CDH4: variants seen among roughly 807,000 people sequenced by gnomAD.
The protein encoded by CDH4 is cadherin-4.
A neutral mutation model predicts 86.0 loss-of-function variants in CDH4; 33 were observed. The ratio of observed to expected loss-of-function variants is 0.38; its 90% CI spans 0.29 to 0.51. The LOEUF (loss-of-function observed/expected upper bound fraction) is 0.51. Ranked by LOEUF, CDH4 falls within the 20% of genes least tolerant of loss-of-function variation. The pLI is 0.86. For missense variants in CDH4, 1,114 were observed against 1,307.4 expected, an observed-to-expected ratio of 0.85 and a Z score of 2.28; for synonymous variants, 555 against 549.4, an observed-to-expected ratio of 1.01 and a Z score of -0.14.
In CDH4 at chr20:61,565,070, G is replaced by A. The variant is rs541689224; in HGVS notation, c.170-178493G>A. On this transcript the variant is annotated intron_variant, in intron 2 of 15. Transcript: ENST00000614565. ...TGCCACTGGTGGTGCTCTTGGTGGT[G>A]GTGGTGGTGGTGGTGGTGCTCTTGG... Among the ~76,000 whole-genome samples the A allele has an allele frequency of 9.6e-3, 1,200 of 124,646 alleles. 24 individuals are homozygous for A. The highest frequency in any genetic ancestry group is 0.036 in the African/African-American group (1,126 of 30,978). 81.8% of individuals were successfully genotyped at this position (124,646 alleles called of 152,430 possible). A position where few individuals can be genotyped will look rare whatever the true frequency, so the allele number is the denominator to read the frequency against.
intron 2 of CDH4, among the ~76,000 whole-genome samples, chr20:61,537,633 G>A (rs2086007220): frequency 6.6e-6 from 1 of 152,182 alleles, no homozygotes; most frequent in Admixed American, 6.5e-5. Flanking sequence ...AGCGGGCTTC[G>A]CGGACAGGCA....
At chr20:61,580,249 G>A (rs1037507093) in intron 2 of CDH4, among the ~76,000 whole-genome samples, 4 of 152,164 alleles carry the variant, frequency 2.6e-5, no homozygotes, top group African/African-American at 9.7e-5. Flanking sequence ...GAGGTCATGA[G>A]TTCGAGACCA....
rs1426048742 is a variant in CDH4 at position 61,578,041 on chromosome 20, A to G, written c.170-165522A>G. Among the ~76,000 whole-genome samples, 5 of 151,906 alleles carry G rather than the reference A, an allele frequency of 3.3e-5. No individual in the cohort carries two copies. The South Asian group carries it at 6.3e-4, about 19-fold the overall frequency. ...CCAAGCTTGCCTGCCCAGCCAGGAA[A>G]CCTCTGCCCCTCCTTGGCAAATCTC... On this transcript the variant is annotated intron_variant, in intron 2 of 15. Coordinates refer to ENST00000614565, the MANE Select transcript of CDH4 (RefSeq NM_001794.5).
intron 2 of CDH4, among the ~76,000 whole-genome samples, chr20:61,403,695 T>C (rs1010686117): frequency 3.3e-5 from 5 of 152,194 alleles, no homozygotes; most frequent in African/African-American, 1.2e-4. Flanking sequence ...TCACCTCTTG[T>C]GTTCTTGGGT....
intron 2 of CDH4, among the ~76,000 whole-genome samples, chr20:61,356,059 G>T (rs1314291600): frequency 6.6e-6 from 1 of 152,196 alleles, no homozygotes; most frequent in Admixed American, 6.5e-5. Context: ...TCAGCAAATT[G>T]TCTTTCTTCA....
In CDH4 at chr20:61,517,717, G is replaced by A. The variant is rs754478822; in HGVS notation, c.170-225846G>A. On this transcript the variant is annotated intron_variant, in intron 2 of 15. Transcript: ENST00000614565. This position sits in a 1 kb window ranked among gnomAD's most constrained non-coding sequence, Gnocchi z 6.6. The stretch of plus-strand genomic sequence containing the variant: ...GGGTTGTCGGACGTGTTCAGGACAG[G>A]AACAGCACACTCAAGGTCACCATTC... 3.9e-5 allele frequency among the ~76,000 whole-genome samples: 6 copies of A among 152,148 alleles called. No individual in the cohort carries two copies. The highest frequency in any genetic ancestry group is 8.8e-5 in the Non-Finnish European group (6 of 68,024).
chr20:61,259,019 A>G (rs1041909259), intron 2 of CDH4, among the ~76,000 whole-genome samples: 1 of 152,182 alleles, frequency 6.6e-6, no homozygotes, highest in East Asian at 1.9e-4. Flanking sequence ...AATCCATCAC[A>G]TGGTAGGTGT....
At position 61,516,217 on chromosome 20, in the gene CDH4, C is replaced by T. The variant is rs1016173853; in HGVS notation, c.170-227346C>T. 7.9e-5 allele frequency among the ~76,000 whole-genome samples: 12 copies of T among 152,156 alleles called. No individual in the cohort carries two copies. Among genetic ancestry groups the T allele is most frequent in the South Asian group, 2.1e-4 (1 of 4,826 alleles). On this transcript the variant is annotated intron_variant, in intron 2 of 15. Transcript: ENST00000614565. The surrounding 1 kb of genome is among the most constrained non-coding windows in gnomAD (Gnocchi z 4.0). ...TACCCTAGAAGCTGCGGCAGGTGTC[C>T]GCCCTGGGGACTAAGCAAAACAGGG... is the stretch of plus-strand genomic sequence containing the variant.
chr20:61,844,992 G>T (rs1454911280), intron 5 of CDH4, among the ~76,000 whole-genome samples, 169 bp downstream of exon 5: 1 of 152,262 alleles, frequency 6.6e-6, no homozygotes, highest in Admixed American at 6.5e-5. Flanking sequence ...CCAGGTCGCT[G>T]GGCACTGTCC....
intron 7 of CDH4, among the ~76,000 whole-genome samples, chr20:61,875,852 C>T (rs1232350904): frequency 6.6e-6 from 1 of 152,196 alleles, no homozygotes; most frequent in Non-Finnish European, 1.5e-5. Context: ...TGTACAGGAA[C>T]CAGATACCGT....
At chr20:61,535,783 C>T (rs909871465) in intron 2 of CDH4, among the ~76,000 whole-genome samples, 2 of 152,184 alleles carry the variant, frequency 1.3e-5, no homozygotes, top group African/African-American at 4.8e-5. Flanking sequence ...TGTACTCGCC[C>T]CTGAGCCGCC....
At position 61,681,927 on chromosome 20, in the gene CDH4, G is replaced by A. The variant is rs141073807; in HGVS notation, c.170-61636G>A. 8.5e-5 allele frequency among the ~76,000 whole-genome samples: 13 copies of A among 152,360 alleles called. No individual in the cohort carries two copies. In the East Asian group the frequency reaches 1.7e-3, roughly 20 times the overall value. ...AGGCCAGGGCTGTGAACTTGCAGGA[G>A]CTGCCTGTGACCCCAGGGCAATCTG... On this transcript the variant is annotated intron_variant, in intron 2 of 15. Transcript: ENST00000614565. This position sits in a 1 kb window ranked among gnomAD's most constrained non-coding sequence, Gnocchi z 4.5.
intron 2 of CDH4, among the ~76,000 whole-genome samples, chr20:61,685,149 A>C (rs2087560325): frequency 6.6e-6 from 1 of 152,184 alleles, no homozygotes; most frequent in South Asian, 2.1e-4. Context: ...AGATGTGTCT[A>C]GTCTGGGTAT....
At chr20:61,365,743 C>T (rs555341703) in intron 2 of CDH4, among the ~76,000 whole-genome samples, 105 of 152,204 alleles carry the variant, frequency 6.9e-4, no homozygotes, top group African/African-American at 2.4e-3. Context: ...TGCAATGGGG[C>T]GTGCCTGCAT....
At chr20:61,908,918 G>C (rs901247398) in intron 8 of CDH4, among the ~76,000 whole-genome samples, 2 of 152,190 alleles carry the variant, frequency 1.3e-5, no homozygotes, top group African/African-American at 4.8e-5. Flanking sequence ...GTTTCTGTTT[G>C]CTGCACCTGA....
intron 2 of CDH4, among the ~76,000 whole-genome samples, chr20:61,602,339 C>T (rs182531892): frequency 9.9e-5 from 15 of 152,282 alleles, no homozygotes; most frequent in African/African-American, 3.6e-4. Context: ...TGACCTTAAA[C>T]TTCCAGAAGG....
chr20:61,544,005 C>T lies in CDH4; in HGVS notation c.170-199558C>T, dbSNP rs2255222. Reference sequence around the variant, plus strand: ...AGGGTGTGGTGGTACAGCTTTCTCTCGTCACAGCTGAGGTCCCTGGAGGCT... The same window carrying T: ...AGGGTGTGGTGGTACAGCTTTCTCTTGTCACAGCTGAGGTCCCTGGAGGCT... On this transcript the variant is annotated intron_variant, in intron 2 of 15. Coordinates refer to ENST00000614565, the MANE Select transcript of CDH4 (RefSeq NM_001794.5). This position sits in a 1 kb window ranked among gnomAD's most constrained non-coding sequence, Gnocchi z 6.5. Among the ~76,000 whole-genome samples, 426 of 152,294 alleles carry T rather than the reference C, an allele frequency of 2.8e-3. 3 individuals are homozygous for T. Among genetic ancestry groups the T allele is most frequent in the Middle Eastern group, 0.017 (5 of 294 alleles).
chr20:61,658,089 C>A (rs1292958943), intron 2 of CDH4, among the ~76,000 whole-genome samples: 1 of 152,104 alleles, frequency 6.6e-6, no homozygotes, highest in African/African-American at 2.4e-5. Context: ...GGAGCTCCAG[C>A]CTTCCTGCAG....
chr20:61,622,655 C>T (rs1162330403), intron 2 of CDH4, among the ~76,000 whole-genome samples: 2 of 152,232 alleles, frequency 1.3e-5, no homozygotes, highest in African/African-American at 2.4e-5. Context: ...GACAGCATGC[C>T]ACTGGAGTGG....
Sources: gnomAD v4.1 joint callset for allele counts (sites outside exome capture counted in the v4.1 genomes callset) on GRCh38, gnomAD v4.1.1 for gene constraint, Gnocchi (gnomAD v3.1) non-coding constraint, MANE v1.5 for transcripts, NCBI Gene and HGNC (gene_info 2026-07-23, HGNC 2026-07-21) for gene names.